The following GPLD1 variants were observed in gnomAD, a reference collection of about 807,000 sequenced individuals.
GPLD1 encodes the protein glycosylphosphatidylinositol specific phospholipase D1.
In GPLD1, 84 loss-of-function variants were observed where a neutral mutation model predicts 112.6. The ratio of observed to expected loss-of-function variants is 0.75; its 90% CI spans 0.63 to 0.89. The LOEUF is 0.89. GPLD1 is among the 40% of genes least tolerant of loss of function. GPLD1 has a pLI of 0.00. For synonymous variants in GPLD1, 386 were observed against 403.8 expected (o/e 0.96, Z 0.53); for missense variants, 1,044 against 1,051.5 (o/e 0.99, Z 0.10).
At chr6:24,468,184 G>A (rs1244267541) in intron 7 of GPLD1, among the ~76,000 whole-genome samples, 1 of 152,180 alleles carries the variant, frequency 6.6e-6, no homozygotes, top group Non-Finnish European at 1.5e-5. Flanking sequence ...GGGATTACAG[G>A]CGTGAGCCAC....
intron 17 of GPLD1, among the ~76,000 whole-genome samples, chr6:24,447,515 CA>C (rs35561888): frequency 2.7e-4 from 40 of 150,874 alleles, no homozygotes; most frequent in African/African-American, 8.6e-4. Flanking sequence ...GACTCTGTCT[CA>C]AAAAAAAGAA....
At chr6:24,462,630 T>A in intron 11 of GPLD1, 100 bp downstream of exon 11, 1 of 752,176 alleles carries the variant, frequency 1.3e-6, no homozygotes, top group South Asian at 1.6e-5. Context: ...AATTTGAACC[T>A]ACAGCTGTCT....
At chr6:24,485,575 T>C (rs1420585509) in intron 2 of GPLD1, among the ~76,000 whole-genome samples, 2 of 152,174 alleles carry the variant, frequency 1.3e-5, no homozygotes, top group Non-Finnish European at 2.9e-5. Context: ...CAAGTAGCAC[T>C]TGGAAGAGAC....
chr6:24,474,831 T>A (rs1165234734), intron 5 of GPLD1, among the ~76,000 whole-genome samples: 1 of 151,640 alleles, frequency 6.6e-6, no homozygotes, highest in Admixed American at 6.6e-5. Flanking sequence ...TCCCAGCTAC[T>A]CAGGAGGCTG....
upstream of GPLD1, among the ~76,000 whole-genome samples, chr6:24,490,714 T>C (rs2088236792): frequency 6.7e-6 from 1 of 149,086 alleles, no homozygotes; most frequent in Non-Finnish European, 1.5e-5. Context: ...ATTGCACCAC[T>C]GCACTCTAGC....
At position 24,429,038 on chromosome 6, in the gene GPLD1, T is replaced by G. The variant is rs774352364; in HGVS notation, c.2517A>C (p.Ser839=). ...GGGAAATGCAGTGAAATCTTCAATC[T>G]GAGCCAAGGCTATAGACGTGAAGTG... ...SGALHVYSLG[S]D is the part of the protein sequence containing the mutation. The change falls in exon 25 of 25, where the codon TCA becomes TCC. Residue 839 remains serine (S), a synonymous_variant. Transcript: ENST00000230036. The G allele has an allele frequency of 3.9e-5, 62 of 1,608,254 alleles. 1 individual carries two copies. Among genetic ancestry groups the G allele is most frequent in the Admixed American group, 3.2e-4 (19 of 59,778 alleles).
chr6:24,475,377 T>TA lies in GPLD1; in HGVS notation c.331-147dup, dbSNP rs2127362406. 6.5e-6 allele frequency: 4 copies of TA among 615,924 alleles called. No individual in the cohort carries two copies. The East Asian group carries it at 1.1e-4, about 17-fold the overall frequency. The allele number at this position is 615,924 out of a possible 1,614,324, so 38.2% of individuals were successfully genotyped here. A position where few individuals can be genotyped will look rare whatever the true frequency, so the allele number is the denominator to read the frequency against. The stretch of plus-strand genomic sequence containing the variant: ...CAAGTAAATTGCAGTTTCTAGTTAT[T>TA]AAAAACCACATAAGAGGCCAGGTGC... On this transcript the variant is annotated intron_variant, in intron 4 of 24. Coordinates refer to ENST00000230036, the MANE Select transcript of GPLD1 (RefSeq NM_001503.4).
intron 20 of GPLD1, among the ~76,000 whole-genome samples, chr6:24,438,175 C>T (rs905298959): frequency 3.9e-5 from 6 of 152,212 alleles, no homozygotes; most frequent in African/African-American, 1.4e-4. Flanking sequence ...ATCAGGCGCC[C>T]ATTCCACAAG....
chr6:24,425,375 A>C (rs1487054749), downstream of GPLD1: 3 of 152,196 alleles, frequency 2.0e-5, no homozygotes, highest in African/African-American at 7.2e-5. Flanking sequence ...AGCTTGGATA[A>C]AATAATTTTT....
rs1762240663 is a variant in GPLD1 at position 24,426,448 on chromosome 6, G to A, written c.*2584C>T. Among the ~76,000 whole-genome samples the A allele has an allele frequency of 6.8e-6, 1 of 146,268 alleles. No individual in the cohort carries two copies. The highest frequency in any genetic ancestry group is 1.5e-5 in the Non-Finnish European group (1 of 66,776). ...TAATTTACATTGTTTTTGACATTGG[G>A]GTTAGTATGGTTAAATGTCCTATAA... On this transcript the variant is annotated 3_prime_UTR_variant, in exon 25 of 25. Transcript: ENST00000230036.
At chr6:24,429,223 A>T (rs1019108330) in intron 24 of GPLD1, 105 bp from the exon 25 acceptor site, 1 of 628,686 alleles carries the variant, frequency 1.6e-6, no homozygotes, top group Non-Finnish European at 2.7e-6. Flanking sequence ...AAGATGAATA[A>T]GACACTGGCC....
At chr6:24,451,443 A>G (rs1322957461) in intron 14 of GPLD1, among the ~76,000 whole-genome samples, 1 of 152,098 alleles carries the variant, frequency 6.6e-6, no homozygotes, top group Non-Finnish European at 1.5e-5. Context: ...GGTTCAAGCG[A>G]TTCTCCTGCC....
intron 11 of GPLD1, among the ~76,000 whole-genome samples, chr6:24,461,282 T>TCA (rs1763425177): frequency 6.6e-6 from 1 of 151,594 alleles, no homozygotes; most frequent in Admixed American, 6.6e-5. Flanking sequence ...CAAAAGGTGC[T>TCA]CAATGTGATT....
intron 18 of GPLD1, 74 bp from the exon 19 acceptor site, chr6:24,445,905 A>C (rs895230283): frequency 1.7e-5 from 18 of 1,040,838 alleles, no homozygotes; most frequent in Non-Finnish European, 2.4e-5. Context: ...GGAGCAAGGA[A>C]AGGAAATGCA....
intron 2 of GPLD1, among the ~76,000 whole-genome samples, chr6:24,480,872 C>T (rs574745165): frequency 2.6e-5 from 4 of 152,170 alleles, no homozygotes; most frequent in Admixed American, 6.5e-5. Flanking sequence ...ACGGAGCCCT[C>T]GGCTAACATG....
intron 2 of GPLD1, among the ~76,000 whole-genome samples, chr6:24,480,410 C>G (rs1457273755): frequency 6.6e-6 from 1 of 151,674 alleles, no homozygotes; most frequent in Non-Finnish European, 1.5e-5. Context: ...CTCACTGCAA[C>G]CTCCCAGGTT....
At chr6:24,454,448 C>G (rs1763200770) in intron 13 of GPLD1, among the ~76,000 whole-genome samples, 2 of 151,122 alleles carry the variant, frequency 1.3e-5, no homozygotes, top group Non-Finnish European at 3.0e-5. Flanking sequence ...GACTACATAA[C>G]CTGAGAGGAT....
chr6:24,476,365 G>A (rs1222299381), intron 3 of GPLD1, 87 bp from the exon 4 acceptor site: 3 of 701,284 alleles, frequency 4.3e-6, no homozygotes, highest in East Asian at 5.5e-5. Context: ...CTGCGCTGCT[G>A]TGTCCCTTCT....
At chr6:24,458,300 C>T (rs370483276) in intron 12 of GPLD1, among the ~76,000 whole-genome samples, 22 of 152,134 alleles carry the variant, frequency 1.4e-4, no homozygotes, top group African/African-American at 4.8e-4. Flanking sequence ...CCATTCTAAT[C>T]TCACTGGCAG....
Sources: allele counts gnomAD v4.1 joint callset (sites outside exome capture counted in the v4.1 genomes callset), GRCh38; gene constraint gnomAD v4.1.1; transcripts MANE v1.5; gene names NCBI Gene and HGNC (gene_info 2026-07-23, HGNC 2026-07-21).